The following ADPGK variants were observed in gnomAD, a reference collection of about 807,000 sequenced individuals.
The protein encoded by ADPGK is ADP dependent glucokinase, also known as ADP-dependent glucokinase.
A neutral mutation model predicts 42.4 loss-of-function variants in ADPGK; 26 were observed. That is an observed-to-expected ratio of 0.61 (90% CI 0.45 to 0.85). The LOEUF is 0.85. ADPGK is among the 40% of genes least tolerant of loss of function. ADPGK has a pLI of 0.00. For missense variants in ADPGK, 571 were observed against 627.0 expected (o/e 0.91, Z 0.95); for synonymous variants, 267 against 252.6 (o/e 1.06, Z -0.54).
chr15:72,783,753 C>T lies in ADPGK; in HGVS notation c.-62G>A, dbSNP rs886993917. ...TTTCCTAGCCCGCGCCTCTTCCGGG[C>T]TCGGCGCGCGCCGATGTCGACACAA... On this transcript the variant is annotated 5_prime_UTR_variant, in exon 1 of 7. Transcript: ENST00000456471. 7.2e-7 allele frequency: 1 copy of T among 1,389,328 alleles called. No individual in the cohort carries two copies. Among genetic ancestry groups the T allele is most frequent in the South Asian group, 1.6e-5 (1 of 64,034 alleles). 86.1% of individuals were successfully genotyped at this position (1,389,328 alleles called of 1,614,324 possible). A position where few individuals can be genotyped will look rare whatever the true frequency, so the allele number is the denominator to read the frequency against.
chr15:72,782,616 G>A (rs892553384), intron 1 of ADPGK, among the ~76,000 whole-genome samples: 1 of 149,780 alleles, frequency 6.7e-6, no homozygotes, highest in South Asian at 2.1e-4. Context: ...TTACATGAAT[G>A]ATGTCATTTA....
chr15:72,760,283 T>C, intron 4 of ADPGK, 124 bp downstream of exon 4: 3 of 1,294,274 alleles, frequency 2.3e-6, no homozygotes, highest in Non-Finnish European at 3.1e-6. Flanking sequence ...CAGGAAACTT[T>C]CAGTATGGCA....
At chr15:72,762,844 C>A (rs748962229) in intron 3 of ADPGK, among the ~76,000 whole-genome samples, 1 of 151,940 alleles carries the variant, frequency 6.6e-6, no homozygotes, top group Non-Finnish European at 1.5e-5. Flanking sequence ...TTTAGCTAGG[C>A]GTGGTGGCAC....
At chr15:72,779,544 G>A (rs760747385) in intron 1 of ADPGK, among the ~76,000 whole-genome samples, 1 of 151,958 alleles carries the variant, frequency 6.6e-6, no homozygotes, top group Non-Finnish European at 1.5e-5. Flanking sequence ...CATGCCTGCC[G>A]GGTTTCATCA....
intron 3 of ADPGK, among the ~76,000 whole-genome samples, chr15:72,765,358 C>T (rs919944004): frequency 2.0e-5 from 3 of 152,114 alleles, no homozygotes; most frequent in African/African-American, 7.2e-5. Context: ...CCACATTGGC[C>T]AGACTGGTCT....
intron 3 of ADPGK, among the ~76,000 whole-genome samples, chr15:72,764,859 G>A (rs2066238606): frequency 6.6e-6 from 1 of 152,078 alleles, no homozygotes; most frequent in Admixed American, 6.5e-5. Flanking sequence ...TGACCATTCT[G>A]AAAAATCCTA....
Position 72,760,527 on chromosome 15 carries a change from C to A in ADPGK, c.523G>T (p.Val175Phe), listed in dbSNP as rs1374575314. The A allele has an allele frequency of 6.3e-7, 1 of 1,597,704 alleles. No homozygotes were observed. The highest frequency in any genetic ancestry group is 8.6e-7 in the Non-Finnish European group (1 of 1,167,206). ...QKFAANSDLK[V>F]LLCGPVGPKL... ...GGACCAACTGGACCGCAAAGAAGAA[C>A]CTGGAGGCAAGCAACACGAAGTCCA... is the stretch of plus-strand genomic sequence containing the variant. The change falls in exon 4 of 7, where the codon GTT becomes TTT. Residue 175 changes from valine (V) to phenylalanine (F), a missense_variant and splice_region_variant. Physicochemically the swap from Val to Phe is conservative, Grantham distance 50. Around this residue, in one of 2 missense-constraint regions of ADPGK, gnomAD observed 434 missense variants for 522.7 expected, o/e 0.83. Transcript: ENST00000456471.
In ADPGK at chr15:72,756,566, T is replaced by C. The variant is rs886226791; in HGVS notation, c.644-119A>G. ...GGCTCCAAGCAGGCTGGTTTCTGGC[T>C]GAGGAGACCCCAGCAACAATGGCCT... On this transcript the variant is annotated intron_variant, in intron 4 of 6. Coordinates refer to ENST00000456471, the MANE Select transcript of ADPGK (RefSeq NM_001365225.1). The C allele has an allele frequency of 1.4e-5, 15 of 1,080,144 alleles. No individual in the cohort carries two copies. In the African/African-American group the frequency reaches 2.2e-4, roughly 16 times the overall value. The allele number at this position is 1,080,144 out of a possible 1,614,324, so 66.9% of individuals were successfully genotyped here.
At position 72,781,418 on chromosome 15, in the gene ADPGK, T is replaced by C. The variant is rs529400293; in HGVS notation, c.233+2041A>G. ...GGCCGACCTGTTCCCAAACAAACCATGTACTTTTTCACATTTGGTTCTCTT... is the reference window on the plus strand; with the variant it reads ...GGCCGACCTGTTCCCAAACAAACCACGTACTTTTTCACATTTGGTTCTCTT... On this transcript the variant is annotated intron_variant, in intron 1 of 6. Transcript: ENST00000456471. 7.9e-5 allele frequency among the ~76,000 whole-genome samples: 12 copies of C among 152,300 alleles called. No homozygotes were observed. The South Asian group carries it at 2.5e-3, about 32-fold the overall frequency.
chr15:72,783,349 G>A (rs970803137), intron 1 of ADPGK, 110 bp downstream of exon 1: 2 of 1,291,802 alleles, frequency 1.5e-6, no homozygotes, highest in Non-Finnish European at 2.0e-6. Context: ...GGCCAGCGCG[G>A]ACAGCAGCGC....
intron 3 of ADPGK, among the ~76,000 whole-genome samples, chr15:72,763,870 T>C (rs1037342063): frequency 6.6e-6 from 1 of 152,250 alleles, no homozygotes; most frequent in Admixed American, 6.5e-5. Context: ...TTCATTATTA[T>C]GTCTGTTATG....
intron 3 of ADPGK, among the ~76,000 whole-genome samples, chr15:72,764,173 G>A (rs374279641): frequency 3.3e-5 from 5 of 152,190 alleles, no homozygotes; most frequent in South Asian, 2.1e-4. Flanking sequence ...GCTTAGCGAC[G>A]AAGGCATGTA....
chr15:72,758,574 A>G (rs1347240112), intron 4 of ADPGK: 1 of 220,188 alleles, frequency 4.5e-6, no homozygotes, highest in Non-Finnish European at 9.2e-6. Context: ...GTCACCTCAC[A>G]AAGTTTAATG....
intron 1 of ADPGK, among the ~76,000 whole-genome samples, chr15:72,778,893 C>G (rs2066422248): frequency 6.6e-6 from 1 of 152,146 alleles, no homozygotes; most frequent in Non-Finnish European, 1.5e-5. Flanking sequence ...AGAAGCACCC[C>G]ACGCTAGGCA....
chr15:72,762,208 A>C (rs2066204322), intron 3 of ADPGK, among the ~76,000 whole-genome samples: 1 of 151,782 alleles, frequency 6.6e-6, no homozygotes, highest in Non-Finnish European at 1.5e-5. Flanking sequence ...ACAAGACCTC[A>C]CTATGTTGCC....
At chr15:72,780,856 C>T (rs1012713639) in intron 1 of ADPGK, among the ~76,000 whole-genome samples, 11 of 152,220 alleles carry the variant, frequency 7.2e-5, no homozygotes, top group Non-Finnish European at 1.0e-4. Flanking sequence ...TACTCCACCA[C>T]ATCCAAACTA....
At chr15:72,771,921 A>T (rs974211070) in intron 2 of ADPGK, 76 bp from the exon 3 acceptor site, 19 of 1,246,006 alleles carry the variant, frequency 1.5e-5, no homozygotes, top group Non-Finnish European at 1.9e-5. Flanking sequence ...TTTTTATTTT[A>T]AAAATTAATT....
rs138188660 is a variant in ADPGK at position 72,766,979 on chromosome 15, G to A, written c.522+4804C>T. On this transcript the variant is annotated intron_variant, in intron 3 of 6. Coordinates refer to ENST00000456471, the MANE Select transcript of ADPGK (RefSeq NM_001365225.1). ...TAGATGTAAATGGTCTAAACACTCC[G>A]ATTAAAAGGCAGAGATTGTCAAAGT... 3.0e-3 allele frequency among the ~76,000 whole-genome samples: 458 copies of A among 152,140 alleles called. 18 individuals carry two copies. Among genetic ancestry groups the A allele is most frequent in the Admixed American group, 0.023 (348 of 15,278 alleles).
chr15:72,783,686 C>A lies in ADPGK; in HGVS notation c.6G>T (p.Ala2=). Residue 2 remains alanine (A), a synonymous_variant, in exon 1 of 7, where the codon GCG becomes GCT. Transcript: ENST00000456471. ...CCGCGTACGCGGAGCCGCGCCACAG[C>A]GCCATGGGGACCCAGGCGCCGCACC... M[A]LWRGSAYAGF... The A allele has an allele frequency of 1.3e-6, 2 of 1,482,142 alleles. No homozygotes were observed. The highest frequency in any genetic ancestry group is 1.8e-6 in the Non-Finnish European group (2 of 1,122,890). The allele number at this position is 1,482,142 out of a possible 1,614,324, so 91.8% of individuals were successfully genotyped here. A position where few individuals can be genotyped will look rare whatever the true frequency, so the allele number is the denominator to read the frequency against.
Sources: gnomAD v4.1 joint callset for allele counts (sites outside exome capture counted in the v4.1 genomes callset) on GRCh38, gnomAD v4.1.1 for gene constraint, gnomAD v4.1.1 regional missense constraint, MANE v1.5 for transcripts, NCBI Gene and HGNC (gene_info 2026-07-23, HGNC 2026-07-21) for gene names.